MED13L: variants seen among roughly 807,000 people sequenced by gnomAD.
MED13L encodes the protein mediator complex subunit 13L, also known as mediator of RNA polymerase II transcription subunit 13-like.
Under a neutral mutation model 220.9 loss-of-function variants are expected in MED13L, and 7 were observed. The observed-to-expected ratio is 0.03, with a 90% CI of 0.02 to 0.06. The LOEUF is 0.06. Among genes scored for constraint, MED13L ranks in the 10% least tolerant of loss-of-function variants. The pLI, the probability that MED13L is intolerant of heterozygous loss-of-function variation, is 1.00. For synonymous variants in MED13L, 1,011 were observed against 1,015.2 expected, an observed-to-expected ratio of 1.00 and a Z score of 0.08; for missense variants, 1,965 against 2,760.5, an observed-to-expected ratio of 0.71 and a Z score of 6.46.
At position 116,123,973 on chromosome 12, in the gene MED13L, CAG is replaced by C. The variant is rs530030409; in HGVS notation, c.311-12463_311-12462del. Among the ~76,000 whole-genome samples the C allele has an allele frequency of 2.0e-4, 31 of 152,276 alleles. No homozygotes were observed. The South Asian group carries it at 2.5e-3, about 12-fold the overall frequency. On this transcript the variant is annotated intron_variant, in intron 2 of 30. Transcript: ENST00000281928. Reference sequence around the variant, plus strand: ...GTTACACAACAAGCACATTTATAGACAGGGGAAAACTGTAATCACCTTTGATT... The same window carrying C: ...GTTACACAACAAGCACATTTATAGACGGGAAAACTGTAATCACCTTTGATT...
At chr12:116,119,261 T>G (rs1419999067) in intron 2 of MED13L, among the ~76,000 whole-genome samples, 2 of 152,126 alleles carry the variant, frequency 1.3e-5, no homozygotes, top group African/African-American at 4.8e-5. Context: ...TGACTCTGAA[T>G]CCAGGGACAA....
At chr12:115,974,086 T>G (rs935713393) in intron 25 of MED13L, among the ~76,000 whole-genome samples, 2 of 152,130 alleles carry the variant, frequency 1.3e-5, no homozygotes, top group Non-Finnish European at 2.9e-5. Context: ...CAGCAAACTA[T>G]GATCCACAGG....
chr12:116,158,625 T>A (rs1294273710), intron 2 of MED13L, among the ~76,000 whole-genome samples: 1 of 152,118 alleles, frequency 6.6e-6, no homozygotes, highest in Non-Finnish European at 1.5e-5. Flanking sequence ...ATTTAGTATC[T>A]GCAAATAAAT....
intron 13 of MED13L, among the ~76,000 whole-genome samples, chr12:116,003,357 C>T (rs1181776455): frequency 2.0e-5 from 3 of 152,146 alleles, no homozygotes; most frequent in Non-Finnish European, 2.9e-5. Context: ...AGACCTTAAG[C>T]AATTCTTCCC....
intron 2 of MED13L, among the ~76,000 whole-genome samples, chr12:116,137,186 G>A (rs922654417): frequency 2.0e-5 from 3 of 151,926 alleles, no homozygotes; most frequent in East Asian, 1.9e-4. Flanking sequence ...GACATTGTTC[G>A]CTATTTTGTG....
chr12:116,103,055 T>C (rs1017066469), intron 3 of MED13L, among the ~76,000 whole-genome samples: 1 of 152,086 alleles, frequency 6.6e-6, no homozygotes, highest in Non-Finnish European at 1.5e-5. Context: ...TACTGTGCCC[T>C]AGTGGATACA....
intron 2 of MED13L, among the ~76,000 whole-genome samples, chr12:116,117,661 T>TA (rs1254243932): frequency 6.6e-5 from 10 of 150,466 alleles, no homozygotes; most frequent in Non-Finnish European, 1.3e-4. Context: ...CATAAAGTAT[T>TA]AAAAACAAAA....
intron 2 of MED13L, among the ~76,000 whole-genome samples, chr12:116,222,120 T>C (rs192873401): frequency 6.6e-6 from 1 of 152,340 alleles, no homozygotes; most frequent in African/African-American, 2.4e-5. Context: ...GATTTTAATA[T>C]TCTGACAGTA....
intron 3 of MED13L, among the ~76,000 whole-genome samples, chr12:116,099,314 A>G (rs1872869420): frequency 6.6e-6 from 1 of 152,180 alleles, no homozygotes; most frequent in Admixed American, 6.5e-5. Flanking sequence ...AGTCTATTTA[A>G]CGTGATAATG....
intron 2 of MED13L, among the ~76,000 whole-genome samples, chr12:116,127,299 AT>A (rs953845667): frequency 1.3e-5 from 2 of 152,156 alleles, no homozygotes. Context: ...ATTTAAAAAC[AT>A]TTTTTCAATT....
At chr12:116,007,014 C>T in intron 11 of MED13L, 1 of 287,370 alleles carries the variant, frequency 3.5e-6, no homozygotes, top group South Asian at 4.0e-5. Flanking sequence ...GCGCTCAGCA[C>T]AGTAAGGATA....
intron 26 of MED13L, 134 bp downstream of exon 26, chr12:115,971,944 T>C (rs1186580958): frequency 5.5e-6 from 6 of 1,087,190 alleles, no homozygotes; most frequent in South Asian, 4.1e-5. Context: ...ATGTTTTCCA[T>C]CTTTAAGCCC....
intron 9 of MED13L, 90 bp downstream of exon 9, chr12:116,012,707 C>T (rs756332029): frequency 1.2e-5 from 11 of 936,532 alleles, no homozygotes; most frequent in Non-Finnish European, 1.6e-5. Flanking sequence ...AATGGAGAAT[C>T]AGGAAGAACT....
At chr12:116,202,635 C>T (rs1388906170) in intron 2 of MED13L, among the ~76,000 whole-genome samples, 2 of 152,126 alleles carry the variant, frequency 1.3e-5, no homozygotes, top group Non-Finnish European at 2.9e-5. Context: ...GAGCAAGTTA[C>T]TTCATTGCCC....
rs1873941870 is a variant in MED13L, at chr12:116,277,199, C to T, written c.-68G>A. The stretch of plus-strand genomic sequence containing the variant: ...CGAGGCGTCCGAGGCGAGGCCGGGC[C>T]GGGCGGCGGCGCCTCGCCGGGGAGC... On this transcript the variant is annotated 5_prime_UTR_variant, in exon 1 of 31. Coordinates refer to ENST00000281928, the MANE Select transcript of MED13L (RefSeq NM_015335.5). The T allele has an allele frequency of 5.5e-6, 6 of 1,087,086 alleles. No homozygotes were observed. The highest frequency in any genetic ancestry group is 7.0e-6 in the Non-Finnish European group (6 of 852,146). 67.3% of individuals were successfully genotyped at this position (1,087,086 alleles called of 1,614,324 possible). A position where few individuals can be genotyped will look rare whatever the true frequency, so the allele number is the denominator to read the frequency against.
intron 2 of MED13L, among the ~76,000 whole-genome samples, chr12:116,219,655 T>C (rs57109552): frequency 0.17 from 26,084 of 152,188 alleles, 2,468 homozygotes; most frequent in Middle Eastern, 0.28. Flanking sequence ...AAATATACAG[T>C]ATTTCCCAAC....
At chr12:115,990,521 C>T (rs1413897054) in intron 17 of MED13L, among the ~76,000 whole-genome samples, 1 of 152,280 alleles carries the variant, frequency 6.6e-6, no homozygotes, top group East Asian at 1.9e-4. Flanking sequence ...TTTAATAATA[C>T]AACCAGTTAT....
chr12:116,185,844 C>T (rs890248705), intron 2 of MED13L, among the ~76,000 whole-genome samples: 2 of 152,108 alleles, frequency 1.3e-5, no homozygotes, highest in African/African-American at 4.8e-5. Context: ...CAAGCATGCA[C>T]CACCATGCCC....
At chr12:116,051,533 C>T (rs1020506417) in intron 4 of MED13L, among the ~76,000 whole-genome samples, 9 of 152,140 alleles carry the variant, frequency 5.9e-5, no homozygotes, top group African/African-American at 2.2e-4. Context: ...GGCTGAATAT[C>T]CTTTATTCAA....
Sources: gnomAD v4.1 joint callset for allele counts (sites outside exome capture counted in the v4.1 genomes callset) on GRCh38, gnomAD v4.1.1 for gene constraint, MANE v1.5 for transcripts, NCBI Gene and HGNC (gene_info 2026-07-23, HGNC 2026-07-21) for gene names.